OLFM4: variants seen among roughly 807,000 people sequenced by gnomAD.
OLFM4 encodes olfactomedin 4.
In OLFM4, 22 loss-of-function variants were observed where a neutral mutation model predicts 25.5. That is an observed-to-expected ratio of 0.86 (90% CI 0.62 to 1.23). OLFM4 has a LOEUF of 1.23. OLFM4 is among the 50% of genes most tolerant of loss of function. OLFM4 has a pLI of 0.00. For missense variants in OLFM4, 594 were observed against 619.4 expected (o/e 0.96, Z 0.44); for synonymous variants, 255 against 237.7 (o/e 1.07, Z -0.67).
At chr13:53,049,734 A>G (rs1250054479) in intron 4 of OLFM4, among the ~76,000 whole-genome samples, 1 of 152,174 alleles carries the variant, frequency 6.6e-6, no homozygotes, top group Non-Finnish European at 1.5e-5. Context: ...CCAGATTGAA[A>G]GCCCACCCAT....
At chr13:53,043,365 T>TG in intron 4 of OLFM4, 101 bp downstream of exon 4, 1 of 629,222 alleles carries the variant, frequency 1.6e-6, no homozygotes, top group Non-Finnish European at 2.3e-6. Context: ...AAGAAGAAGG[T>TG]GGGTTGTTTT....
Position 53,050,573 on chromosome 13 carries a change from T to C in OLFM4, c.1335T>C (p.Thr445=). The part of the protein sequence containing the change: ...MVCGVLYATR[T]MNTRTEEIFY... ...GTGGGGTTCTGTATGCCACCCGTAC[T>C]ATGAACACCAGAACAGAAGAGATTT... Residue 445 remains threonine (T), a synonymous_variant, in exon 5 of 5, where the codon ACT becomes ACC. Coordinates refer to ENST00000219022, the MANE Select transcript of OLFM4 (RefSeq NM_006418.5). The C allele has an allele frequency of 2.5e-6, 4 of 1,613,992 alleles. No individual in the cohort carries two copies. Among genetic ancestry groups the C allele is most frequent in the Non-Finnish European group, 8.5e-7 (1 of 1,179,968 alleles).
At position 53,050,442 on chromosome 13, in the gene OLFM4, A is replaced by G. The variant is rs1954741040; in HGVS notation, c.1204A>G (p.Thr402Ala). The change falls in exon 5 of 5, where the codon ACT (threonine) becomes GCT (alanine). Residue 402 changes from threonine to alanine, a missense_variant. Thr to Ala is a moderately conservative substitution (Grantham distance 58). Transcript: ENST00000219022. ...LWVIYSTEASTGNMVISKLND... is the reference protein window; with the variant it reads ...LWVIYSTEASAGNMVISKLND... ...GGTTATTTATTCAACTGAAGCCAGC[A>G]CTGGTAACATGGTGATTAGTAAACT... 2 of 1,614,054 alleles carry G rather than the reference A, an allele frequency of 1.2e-6. No individual in the cohort carries two copies. Among genetic ancestry groups the G allele is most frequent in the East Asian group, 2.2e-5 (1 of 44,860 alleles).
intron 2 of OLFM4, among the ~76,000 whole-genome samples, chr13:53,036,424 A>G (rs1024545027): frequency 6.6e-6 from 1 of 152,222 alleles, no homozygotes; most frequent in Non-Finnish European, 1.5e-5. Flanking sequence ...CTTTGCTGGC[A>G]GCAGTGTGAA....
intron 2 of OLFM4, 57 bp from the exon 3 acceptor site, chr13:53,041,853 A>G (rs994318759): frequency 2.4e-6 from 3 of 1,237,078 alleles, no homozygotes; most frequent in African/African-American, 1.5e-5. Context: ...CGGTAGTGGA[A>G]GAAGATGGTG....
chr13:53,039,378 G>C (rs145910994), intron 2 of OLFM4, among the ~76,000 whole-genome samples: 42 of 152,258 alleles, frequency 2.8e-4, no homozygotes, highest in Admixed American at 1.2e-3. Context: ...TTCTCAGGGG[G>C]ACTTGTTAGG....
chr13:53,042,166 C>T, intron 3 of OLFM4, 44 bp downstream of exon 3: 1 of 1,529,850 alleles, frequency 6.5e-7, no homozygotes, highest in South Asian at 1.1e-5. Context: ...AATAAACTCC[C>T]TTCAGTGACT....
Position 53,050,723 on chromosome 13 carries a change from T to C in OLFM4, c.1485T>C (p.Asp495=). The change falls in exon 5 of 5, where the codon GAT becomes GAC. Residue 495 remains aspartate, a synonymous_variant. Coordinates refer to ENST00000219022, the MANE Select transcript of OLFM4 (RefSeq NM_006418.5). The part of the protein sequence containing the change: ...PFDQKLYVYN[D]GYLLNYDLSV... ...ACCAGAAACTTTATGTCTATAACGA[T>C]GGTTACCTTCTGAATTATGATCTTT... is the stretch of plus-strand genomic sequence containing the variant. 3 of 1,610,536 alleles carry C rather than the reference T, an allele frequency of 1.9e-6. No individual in the cohort carries two copies. The highest frequency in any genetic ancestry group is 1.7e-6 in the Non-Finnish European group (2 of 1,178,724).
At chr13:53,049,824 G>A in intron 4 of OLFM4, 145 bp from the exon 5 acceptor site, 1 of 776,990 alleles carries the variant, frequency 1.3e-6, no homozygotes, top group Non-Finnish European at 2.0e-6. Flanking sequence ...AGGAGGTTTG[G>A]CTCTTCTCCA....
At chr13:53,039,704 G>A (rs969613021) in intron 2 of OLFM4, among the ~76,000 whole-genome samples, 3 of 152,092 alleles carry the variant, frequency 2.0e-5, no homozygotes, top group African/African-American at 7.2e-5. Context: ...AATCCACCAT[G>A]GATACTAAGA....
chr13:53,042,098 A>G lies in OLFM4; in HGVS notation c.546A>G (p.Glu182=). The G allele has an allele frequency of 6.2e-7, 1 of 1,613,776 alleles. No homozygotes were observed. Among genetic ancestry groups the G allele is most frequent in the Non-Finnish European group, 8.5e-7 (1 of 1,179,798 alleles). The change falls in exon 3 of 5, where the codon GAA becomes GAG. Residue 182 remains glutamate, a synonymous_variant. Coordinates refer to ENST00000219022, the MANE Select transcript of OLFM4 (RefSeq NM_006418.5). ...QLKESFGGSS[E]IVDQLEVEIR... is the part of the protein sequence containing the mutation. ...AGGAGAGTTTTGGTGGAAGCTCAGA[A>G]ATTGTTGACCAGCTGGAGGTGGAGG...
chr13:53,036,519 A>G (rs1043073453), intron 2 of OLFM4, among the ~76,000 whole-genome samples: 2 of 152,106 alleles, frequency 1.3e-5, no homozygotes, highest in African/African-American at 4.8e-5. Context: ...CCAATACTGT[A>G]CGGGGGGCTG....
intron 1 of OLFM4, among the ~76,000 whole-genome samples, chr13:53,033,648 G>A (rs1015542956): frequency 2.6e-5 from 4 of 152,164 alleles, no homozygotes; most frequent in Admixed American, 6.5e-5. Flanking sequence ...ACAGATGAAG[G>A]AACTAAGAAT....
chr13:53,035,663 C>T (rs990846367), intron 2 of OLFM4, among the ~76,000 whole-genome samples: 2 of 152,162 alleles, frequency 1.3e-5, no homozygotes, highest in African/African-American at 4.8e-5. Flanking sequence ...AGGAACATTA[C>T]ATTTGATGTG....
At chr13:53,039,491 T>G (rs78044128) in intron 2 of OLFM4, among the ~76,000 whole-genome samples, 1 of 152,148 alleles carries the variant, frequency 6.6e-6, no homozygotes, top group African/African-American at 2.4e-5. Context: ...AAAATAACCA[T>G]GTAACAACAG....
Position 53,050,999 on chromosome 13 carries a change from G to A in OLFM4, c.*228G>A. On this transcript the variant is annotated 3_prime_UTR_variant, in exon 5 of 5. Coordinates refer to ENST00000219022, the MANE Select transcript of OLFM4 (RefSeq NM_006418.5). ...TTTGCAATAAAGTCTGTCTAGGGTG[G>A]GATTGTCAGAGGTCTAGGGGCACTG... is the stretch of plus-strand genomic sequence containing the variant. 3 of 486,744 alleles carry A rather than the reference G, an allele frequency of 6.2e-6. No individual in the cohort carries two copies. Among genetic ancestry groups the A allele is most frequent in the Admixed American group, 3.8e-5 (1 of 26,226 alleles). The allele number at this position is 486,744 out of a possible 1,614,324, so 30.2% of individuals were successfully genotyped here.
intron 2 of OLFM4, among the ~76,000 whole-genome samples, chr13:53,038,004 G>A (rs941469093): frequency 1.3e-5 from 2 of 152,154 alleles, no homozygotes; most frequent in Admixed American, 1.3e-4. Flanking sequence ...TATAGTATGT[G>A]CATAACAAGC....
At chr13:53,034,577 GC>G in intron 2 of OLFM4, 77 bp downstream of exon 2, 1 of 1,290,120 alleles carries the variant, frequency 7.8e-7, no homozygotes, top group Non-Finnish European at 1.1e-6. Context: ...GATTTTATAA[GC>G]AATCATTCTT....
At chr13:53,033,073 G>T (rs1025043547) in intron 1 of OLFM4, among the ~76,000 whole-genome samples, 1 of 152,110 alleles carries the variant, frequency 6.6e-6, no homozygotes, top group African/African-American at 2.4e-5. Context: ...ACAGCAAATT[G>T]GCTGCCAAGG....
Sources: gnomAD v4.1 joint callset for allele counts (sites outside exome capture counted in the v4.1 genomes callset) on GRCh38, gnomAD v4.1.1 for gene constraint, MANE v1.5 for transcripts, NCBI Gene and HGNC (gene_info 2026-07-23, HGNC 2026-07-21) for gene names.